Variants in ZDHHC14 observed in about 807,000 individuals in gnomAD.
ZDHHC14 encodes zDHHC palmitoyltransferase 14, also known as palmitoyltransferase ZDHHC14.
In ZDHHC14, 16 loss-of-function variants were observed where a neutral mutation model predicts 47.7. That is an observed-to-expected ratio of 0.34 (90% CI 0.23 to 0.51). The LOEUF (loss-of-function observed/expected upper bound fraction) is 0.51, where lower values mean the gene tolerates loss of function less well. ZDHHC14 is among the 20% of genes least tolerant of loss of function. ZDHHC14 has a pLI of 0.97. For synonymous variants in ZDHHC14, 293 were observed against 278.9 expected (o/e 1.05, Z -0.50); for missense variants, 515 against 662.5 (o/e 0.78, Z 2.44).
Position 157,542,642 on chromosome 6 carries a change from G to T in ZDHHC14, c.303G>T (p.Leu101=). ...CCATCCCTGCAGTCGCTGGCATCCT[G>T]TTCTTCTTTGTGATGGGGACCCTGC... is the stretch of plus-strand genomic sequence containing the variant. ...TPAIPAVAGI[L]FFFVMGTLLR... is the part of the protein sequence containing the mutation. Residue 101 remains leucine, a synonymous_variant, in exon 2 of 9, where the codon CTG becomes CTT. Coordinates refer to ENST00000359775, the MANE Select transcript of ZDHHC14 (RefSeq NM_024630.3). The T allele has an allele frequency of 6.2e-7, 1 of 1,614,170 alleles. No homozygotes were observed. Among genetic ancestry groups the T allele is most frequent in the Non-Finnish European group, 8.5e-7 (1 of 1,180,032 alleles).
At chr6:157,509,556 T>A (rs1176500677) in intron 1 of ZDHHC14, among the ~76,000 whole-genome samples, 1 of 152,160 alleles carries the variant, frequency 6.6e-6, no homozygotes, top group Non-Finnish European at 1.5e-5. Context: ...CACCTGGCAG[T>A]GTGTCTCCAG....
intron 1 of ZDHHC14, among the ~76,000 whole-genome samples, chr6:157,391,407 A>C (rs1777416564): frequency 1.3e-5 from 2 of 152,066 alleles, no homozygotes; most frequent in Non-Finnish European, 2.9e-5. Flanking sequence ...CAGTTTTTAG[A>C]TTCTGACCCT....
intron 1 of ZDHHC14, among the ~76,000 whole-genome samples, chr6:157,484,826 C>T (rs547551558): frequency 4.7e-4 from 72 of 152,146 alleles, no homozygotes; most frequent in African/African-American, 1.4e-3. Context: ...TTGAAAACTG[C>T]CTACTAAATT....
At chr6:157,561,607 G>T (rs536761012) in intron 2 of ZDHHC14, among the ~76,000 whole-genome samples, 1 of 152,046 alleles carries the variant, frequency 6.6e-6, no homozygotes, top group Non-Finnish European at 1.5e-5. Flanking sequence ...AACTATACAC[G>T]CACACCTGGC....
chr6:157,397,369 G>A (rs975176421), intron 1 of ZDHHC14, among the ~76,000 whole-genome samples: 1 of 152,174 alleles, frequency 6.6e-6, no homozygotes, highest in African/African-American at 2.4e-5. Flanking sequence ...TGCTCTCCCT[G>A]GGCTACAATC....
intron 1 of ZDHHC14, among the ~76,000 whole-genome samples, chr6:157,458,922 T>C (rs1778998889): frequency 7.0e-6 from 1 of 142,154 alleles, no homozygotes; most frequent in Admixed American, 7.5e-5. Context: ...TGGCATTATC[T>C]CGGCTCACTG....
intron 1 of ZDHHC14, among the ~76,000 whole-genome samples, chr6:157,453,646 C>T (rs9457514): frequency 0.26 from 38,898 of 152,152 alleles, 5,381 homozygotes; most frequent in East Asian, 0.39. Context: ...GTAGGTATTT[C>T]TTGAGCATCT....
In ZDHHC14 at chr6:157,632,928, T is replaced by C. The variant is rs751136068; in HGVS notation, c.752+46T>C. 7 of 1,602,000 alleles carry C rather than the reference T, an allele frequency of 4.4e-6. No homozygotes were observed. In the South Asian group the frequency reaches 6.6e-5, roughly 15 times the overall value. The stretch of plus-strand genomic sequence containing the variant: ...GTTTTCACGATGCTAATGTGTTGAG[T>C]ATCTGGCTGACCTTCTGTGCGCACA... On this transcript the variant is annotated intron_variant, in intron 5 of 8. Transcript: ENST00000359775.
chr6:157,644,190 A>G (rs751130308), intron 5 of ZDHHC14, among the ~76,000 whole-genome samples: 2 of 152,126 alleles, frequency 1.3e-5, no homozygotes, highest in Non-Finnish European at 2.9e-5. Context: ...CAGCCAGTGC[A>G]TGGCCTGAAT....
intron 1 of ZDHHC14, among the ~76,000 whole-genome samples, chr6:157,499,383 G>C (rs1583712495): frequency 6.6e-6 from 1 of 152,096 alleles, no homozygotes; most frequent in African/African-American, 2.4e-5. Flanking sequence ...GTGGCTGAGG[G>C]AGCCAGCCCC....
intron 1 of ZDHHC14, among the ~76,000 whole-genome samples, chr6:157,412,610 A>C (rs959434885): frequency 1.3e-5 from 2 of 152,188 alleles, no homozygotes; most frequent in Admixed American, 6.5e-5. Flanking sequence ...TGCAGTTTGC[A>C]GTGGGAATTG....
chr6:157,441,806 C>G (rs1296989275), intron 1 of ZDHHC14, among the ~76,000 whole-genome samples: 2 of 152,046 alleles, frequency 1.3e-5, no homozygotes, highest in Non-Finnish European at 2.9e-5. Flanking sequence ...CCACAGCACT[C>G]TAGCCTGGGC....
chr6:157,548,572 G>A lies in ZDHHC14; in HGVS notation c.406+5827G>A, dbSNP rs541513495. ...AGCAATTCTCCTGCCTCAGCCTCCC[G>A]AGTAGCTGGGATTACAGGCATGCGC... On this transcript the variant is annotated intron_variant, in intron 2 of 8. Transcript: ENST00000359775. Among the ~76,000 whole-genome samples the A allele has an allele frequency of 8.1e-3, 1,233 of 152,226 alleles. 6 individuals are homozygous for A. Among genetic ancestry groups the A allele is most frequent in the Non-Finnish European group, 0.012 (840 of 68,010 alleles).
chr6:157,645,491 C>T (rs575042456), intron 5 of ZDHHC14, among the ~76,000 whole-genome samples: 14 of 152,226 alleles, frequency 9.2e-5, no homozygotes, highest in African/African-American at 1.2e-4. Flanking sequence ...CCAGGAAACC[C>T]TCCAGGCATC....
intron 3 of ZDHHC14, among the ~76,000 whole-genome samples, chr6:157,622,693 T>A (rs1785242744): frequency 6.6e-6 from 1 of 151,986 alleles, no homozygotes; most frequent in Admixed American, 6.6e-5. Flanking sequence ...CTAGTCAGTA[T>A]CTCCCAGCTC....
In ZDHHC14 at chr6:157,645,748, C is replaced by G. The variant is rs1212234177; in HGVS notation, c.764C>G (p.Ala255Gly). ...TTGACTCGCATCACCGTCCTGGAGG[C>G]TGTGGTGTGCTTCTTCTCTGTCTGG... Reference protein sequence around the residue: ...LKDSPASVLEAVVCFFSVWSI... With the variant: ...LKDSPASVLEGVVCFFSVWSI... Residue 255 changes from alanine (A) to glycine (G), a missense_variant, in exon 6 of 9, where the codon GCT becomes GGT. Ala to Gly is a moderately conservative substitution (Grantham distance 60). Around this residue, in one of 4 missense-constraint regions of ZDHHC14, gnomAD observed 229 missense variants for 351.5 expected, o/e 0.65. Coordinates refer to ENST00000359775, the MANE Select transcript of ZDHHC14 (RefSeq NM_024630.3). 1 of 1,613,860 alleles carries G rather than the reference C, an allele frequency of 6.2e-7. No individual in the cohort carries two copies. The highest frequency in any genetic ancestry group is 1.3e-5 in the African/African-American group (1 of 74,924).
At chr6:157,592,663 G>GC in intron 2 of ZDHHC14, 1 of 902,930 alleles carries the variant, frequency 1.1e-6, no homozygotes, top group South Asian at 4.1e-5. Flanking sequence ...ATGGCCTGGG[G>GC]CCTCTCCTGC....
chr6:157,580,038 C>T (rs745769566), intron 2 of ZDHHC14, among the ~76,000 whole-genome samples: 3 of 152,070 alleles, frequency 2.0e-5, no homozygotes, highest in Non-Finnish European at 4.4e-5. Flanking sequence ...ATAGATGGCT[C>T]TTGTTATTTT....
At chr6:157,539,955 C>T (rs1781684470) in intron 1 of ZDHHC14, among the ~76,000 whole-genome samples, 1 of 152,070 alleles carries the variant, frequency 6.6e-6, no homozygotes, top group Non-Finnish European at 1.5e-5. Flanking sequence ...ACTAGACCTG[C>T]CTGAGATTTC....
Sources: gnomAD v4.1 joint callset for allele counts (sites outside exome capture counted in the v4.1 genomes callset) on GRCh38, gnomAD v4.1.1 for gene constraint, gnomAD v4.1.1 regional missense constraint, MANE v1.5 for transcripts, NCBI Gene and HGNC (gene_info 2026-07-23, HGNC 2026-07-21) for gene names.